Variants in CTNNA3 observed in about 807,000 individuals in gnomAD.
CTNNA3 encodes the protein catenin alpha-3.
CTNNA3 carries 76 observed loss-of-function variants against 95.7 expected under a neutral mutation model. That is an observed-to-expected ratio of 0.79 (90% CI 0.66 to 0.96). CTNNA3 has a LOEUF of 0.96. Among genes scored for constraint, CTNNA3 ranks in the 40% least tolerant of loss-of-function variants. The probability of loss-of-function intolerance (pLI) is 0.00; values close to 1 mark genes in which losing one functional copy is unlikely to be tolerated. For missense variants in CTNNA3, 1,191 were observed against 1,089.8 expected, an observed-to-expected ratio of 1.09 and a Z score of -1.31; for synonymous variants, 431 against 374.4, an observed-to-expected ratio of 1.15 and a Z score of -1.74.
intron 2 of CTNNA3, among the ~76,000 whole-genome samples, chr10:67,622,442 C>A (rs920438925): frequency 1.3e-5 from 2 of 151,996 alleles, no homozygotes; most frequent in Non-Finnish European, 2.9e-5. Flanking sequence ...GGTTGGAGAA[C>A]CCTGAAAAAG....
chr10:66,362,330 T>C (rs990770903), intron 12 of CTNNA3, among the ~76,000 whole-genome samples: 3 of 151,322 alleles, frequency 2.0e-5, no homozygotes, highest in East Asian at 4.1e-4. Flanking sequence ...CTCAATCTCC[T>C]GACCTCATGA....
intron 13 of CTNNA3, among the ~76,000 whole-genome samples, chr10:66,213,114 T>A (rs1436644436): frequency 6.6e-6 from 1 of 152,226 alleles, no homozygotes; most frequent in Non-Finnish European, 1.5e-5. Flanking sequence ...TCATTTACTA[T>A]ATTCTCTCTC....
chr10:66,955,802 T>C (rs116555867), intron 7 of CTNNA3, among the ~76,000 whole-genome samples: 3,042 of 152,288 alleles, frequency 0.02, 96 homozygotes, highest in African/African-American at 0.069. Context: ...CCCATTCTCC[T>C]AGTATTTCTG....
At chr10:66,676,513 G>T (rs1045477645) in intron 9 of CTNNA3, among the ~76,000 whole-genome samples, 3 of 152,004 alleles carry the variant, frequency 2.0e-5, no homozygotes, top group East Asian at 3.9e-4. Flanking sequence ...CTCTGCCTGG[G>T]ATACTTTCAT....
At chr10:66,486,808 G>A (rs1462651246) in intron 11 of CTNNA3, among the ~76,000 whole-genome samples, 2 of 149,160 alleles carry the variant, frequency 1.3e-5, no homozygotes, top group African/African-American at 2.5e-5. Context: ...CAGACGCATG[G>A]ATGAACAAAT....
At chr10:66,239,730 G>A (rs10762036) in intron 13 of CTNNA3, among the ~76,000 whole-genome samples, 122,562 of 151,690 alleles carry the variant, frequency 0.81, 49,843 homozygotes, top group South Asian at 0.94. Context: ...TGTTTTTTTC[G>A]TATTCTCTTT....
At chr10:66,446,398 T>C (rs1368101594) in intron 11 of CTNNA3, among the ~76,000 whole-genome samples, 2 of 152,004 alleles carry the variant, frequency 1.3e-5, no homozygotes, top group African/African-American at 2.4e-5. Context: ...CCAATATCCT[T>C]GATGAACATT....
At chr10:67,061,568 A>C (rs1184498916) in intron 7 of CTNNA3, among the ~76,000 whole-genome samples, 5 of 152,170 alleles carry the variant, frequency 3.3e-5, no homozygotes, top group Non-Finnish European at 7.4e-5. Context: ...AAAAATGAAT[A>C]TAAGGGCCAA....
chr10:67,750,718 G>A, intron 1 of CTNNA3: 1 of 1,575,456 alleles, frequency 6.3e-7, no homozygotes, highest in Middle Eastern at 1.7e-4. Context: ...GGAGGCCATG[G>A]AGGAGCTGGT....
rs542260375 is a variant in CTNNA3, at chr10:66,967,633, G to T, written c.1048-192109C>A. On this transcript the variant is annotated intron_variant, in intron 7 of 17. Transcript: ENST00000433211. ...ACAGTCCATTAAAATAATTTTCCCA[G>T]ATCAAATAAAAACTGACACATTTTC... Among the ~76,000 whole-genome samples, 200 of 151,884 alleles carry T rather than the reference G, an allele frequency of 1.3e-3. 2 individuals carry two copies. Among genetic ancestry groups the T allele is most frequent in the African/African-American group, 4.4e-3 (181 of 41,436 alleles).
intron 7 of CTNNA3, among the ~76,000 whole-genome samples, chr10:66,895,592 T>C (rs1382664469): frequency 6.6e-6 from 1 of 152,130 alleles, no homozygotes; most frequent in East Asian, 1.9e-4. Context: ...GCACCCACCC[T>C]GGAGTCAGAC....
At chr10:66,149,223 A>G (rs1369258995) in intron 13 of CTNNA3, among the ~76,000 whole-genome samples, 2 of 147,418 alleles carry the variant, frequency 1.4e-5, no homozygotes, top group African/African-American at 4.9e-5. Flanking sequence ...ATAATATATA[A>G]ATATATATAA....
At chr10:67,273,520 C>T (rs1839066462) in intron 5 of CTNNA3, among the ~76,000 whole-genome samples, 1 of 151,720 alleles carries the variant, frequency 6.6e-6, no homozygotes, top group Admixed American at 6.6e-5. Context: ...AAGAGTGTGA[C>T]CATTTCTTAT....
At chr10:66,424,326 C>A (rs1354541606) in intron 11 of CTNNA3, among the ~76,000 whole-genome samples, 5 of 151,614 alleles carry the variant, frequency 3.3e-5, no homozygotes, top group Non-Finnish European at 5.9e-5. Context: ...TTTTTATTTT[C>A]TTCTACTTTT....
intron 14 of CTNNA3, among the ~76,000 whole-genome samples, chr10:66,077,027 G>C (rs2133626195): frequency 6.6e-6 from 1 of 151,850 alleles, no homozygotes; most frequent in Admixed American, 6.6e-5. Context: ...ATGGACGAAG[G>C]AATCTGTGTA....
Position 66,965,567 on chromosome 10 carries a change from T to G in CTNNA3, c.1048-190043A>C, listed in dbSNP as rs1217410131. Among the ~76,000 whole-genome samples the G allele has an allele frequency of 7.2e-3, 16 of 2,222 alleles. No individual in the cohort carries two copies. The South Asian group carries it at 0.3, about 42-fold the overall frequency. The allele number at this position is 2,222 out of a possible 152,430, so 1.5% of individuals were successfully genotyped here. On this transcript the variant is annotated intron_variant, in intron 7 of 17. Transcript: ENST00000433211. ...AAGAAAAGAAAAAAAAAAAAGCTGT[T>G]TTTTTTTTTTTTGTAATTAAACCAA...
intron 5 of CTNNA3, among the ~76,000 whole-genome samples, chr10:67,376,649 G>GACAAAAGAA (rs1843701317): frequency 6.6e-6 from 1 of 152,150 alleles, no homozygotes; most frequent in South Asian, 2.1e-4. Context: ...TTATGCTATG[G>GACAAAAGAA]TTAGATATTA....
intron 5 of CTNNA3, among the ~76,000 whole-genome samples, chr10:67,302,329 G>A (rs1346213744): frequency 6.6e-6 from 1 of 152,056 alleles, no homozygotes; most frequent in East Asian, 1.9e-4. Flanking sequence ...AGTTCAATAG[G>A]AAGAATAAGT....
At chr10:67,573,127 G>A (rs754169559) in intron 3 of CTNNA3, among the ~76,000 whole-genome samples, 9 of 151,982 alleles carry the variant, frequency 5.9e-5, no homozygotes, top group Admixed American at 1.3e-4. Flanking sequence ...TAAAAGCTAT[G>A]CTGCTCTCCT....
Sources: allele counts gnomAD v4.1 joint callset (sites outside exome capture counted in the v4.1 genomes callset), GRCh38; gene constraint gnomAD v4.1.1; transcripts MANE v1.5; gene names NCBI Gene and HGNC (gene_info 2026-07-23, HGNC 2026-07-21).